The following IQCK variants were observed in gnomAD, a reference collection of about 807,000 sequenced individuals.
IQCK encodes IQ domain-containing protein K.
Under a neutral mutation model 28.1 loss-of-function variants are expected in IQCK, and 29 were observed. That is an observed-to-expected ratio of 1.03 (90% CI 0.77 to 1.41). The LOEUF (loss-of-function observed/expected upper bound fraction) is 1.41. Ranked by LOEUF, IQCK falls within the 40% of genes most tolerant of loss-of-function variation. The probability of loss-of-function intolerance (pLI) is 0.00; values close to 1 mark genes in which losing one functional copy is unlikely to be tolerated. For synonymous variants in IQCK, 113 were observed against 115.1 expected (o/e 0.98, Z 0.12); for missense variants, 359 against 314.7 (o/e 1.14, Z -1.07).
intron 6 of IQCK, among the ~76,000 whole-genome samples, chr16:19,782,667 T>A (rs370868901): frequency 6.6e-6 from 1 of 152,086 alleles, no homozygotes; most frequent in South Asian, 2.1e-4. Context: ...GTGGATAGAA[T>A]TTTGATTCCA....
intron 1 of IQCK, among the ~76,000 whole-genome samples, chr16:19,724,454 C>T (rs111685251): frequency 3.3e-5 from 5 of 152,282 alleles, no homozygotes; most frequent in African/African-American, 1.2e-4. Context: ...GATTCACTCC[C>T]AGCGTCATCT....
chr16:19,759,334 G>C (rs1030051081), intron 4 of IQCK, among the ~76,000 whole-genome samples: 1 of 152,106 alleles, frequency 6.6e-6, no homozygotes, highest in Non-Finnish European at 1.5e-5. Flanking sequence ...TCAGCTTCCT[G>C]AGTAGCTGGG....
intron 4 of IQCK, among the ~76,000 whole-genome samples, chr16:19,748,389 C>T (rs1009811917): frequency 6.6e-6 from 1 of 152,076 alleles, no homozygotes; most frequent in Non-Finnish European, 1.5e-5. Context: ...TCTTATCCTT[C>T]CATTTACTAG....
chr16:19,811,211 C>T (rs2055901540), intron 7 of IQCK, among the ~76,000 whole-genome samples: 1 of 151,150 alleles, frequency 6.6e-6, no homozygotes, highest in Non-Finnish European at 1.5e-5. Context: ...GTTGAAGCCG[C>T]AGTGAGCCCA....
chr16:19,805,227 C>A lies in IQCK; in HGVS notation c.690+16305C>A, dbSNP rs116304432. On this transcript the variant is annotated intron_variant, in intron 7 of 7. Transcript: ENST00000564186. ...ATATGGCCCAGGTGAAGAGAGATGG[C>A]ATCTGGCACAGAGAATGGCCAGCAG... 5.1e-3 allele frequency among the ~76,000 whole-genome samples: 641 copies of A among 126,172 alleles called. 5 individuals are homozygous for A. Among genetic ancestry groups the A allele is most frequent in the African/African-American group, 0.031 (615 of 19,996 alleles). 82.8% of individuals were successfully genotyped at this position (126,172 alleles called of 152,430 possible).
chr16:19,743,213 G>A (rs143246514), intron 4 of IQCK, among the ~76,000 whole-genome samples: 1 of 152,276 alleles, frequency 6.6e-6, no homozygotes, highest in African/African-American at 2.4e-5. Context: ...CTACTTTTAA[G>A]ATCATAATTA....
chr16:19,750,608 T>C (rs1249817079), intron 4 of IQCK, among the ~76,000 whole-genome samples: 4 of 151,266 alleles, frequency 2.6e-5, no homozygotes, highest in Admixed American at 6.6e-5. Flanking sequence ...GCTATAGGTG[T>C]GTGCCACCAT....
exon 2 of IQCK, chr16:19,730,463 G>A (rs757508537): frequency 3.1e-6 from 5 of 1,608,914 alleles, no homozygotes; most frequent in Middle Eastern, 3.3e-4. Flanking sequence ...TTTCCAGAAG[G>A]ATATAAAGTC....
At chr16:19,733,940 G>T in intron 3 of IQCK, 113 bp downstream of exon 3, 3 of 948,364 alleles carry the variant, frequency 3.2e-6, no homozygotes, top group South Asian at 3.8e-5. Flanking sequence ...ACATAAGAAA[G>T]AATGTGTTCT....
chr16:19,778,060 A>G (rs1247533627), intron 6 of IQCK, among the ~76,000 whole-genome samples: 1 of 152,090 alleles, frequency 6.6e-6, no homozygotes, highest in Non-Finnish European at 1.5e-5. Context: ...CTCAAAAAAA[A>G]AGAGAACCAG....
intron 9 of IQCK, among the ~76,000 whole-genome samples, chr16:19,835,587 C>CTTTTTTTT (rs372317479): frequency 7.2e-6 from 1 of 138,940 alleles, no homozygotes; most frequent in African/African-American, 2.7e-5. Context: ...CTTTTCTTTT[C>CTTTTTTTT]TTTTTTTTTT....
chr16:19,826,666 C>T (rs997152192), intron 7 of IQCK, among the ~76,000 whole-genome samples: 4 of 152,230 alleles, frequency 2.6e-5, no homozygotes, highest in Non-Finnish European at 5.9e-5. Context: ...GCGTAAGCCA[C>T]CGTGCCTGGC....
At chr16:19,720,575 T>C (rs1004605183) in intron 1 of IQCK, among the ~76,000 whole-genome samples, 1 of 152,248 alleles carries the variant, frequency 6.6e-6, no homozygotes, top group Admixed American at 6.5e-5. Flanking sequence ...TAAATGTTCA[T>C]TATTGTTGAC....
At chr16:19,822,354 C>T (rs1237884778) in intron 7 of IQCK, among the ~76,000 whole-genome samples, 5 of 144,558 alleles carry the variant, frequency 3.5e-5, no homozygotes, top group Non-Finnish European at 6.0e-5. Context: ...CCACTGCCTT[C>T]CAGCCTGGGT....
chr16:19,739,138 C>A (rs1189939877), intron 4 of IQCK, among the ~76,000 whole-genome samples: 1 of 152,200 alleles, frequency 6.6e-6, no homozygotes, highest in African/African-American at 2.4e-5. Flanking sequence ...TCATGTAGCC[C>A]TTGCAGGTGG....
rs80164015 is a variant in IQCK at position 19,750,867 on chromosome 16, G to C, written c.475-12981G>C. On this transcript the variant is annotated intron_variant, in intron 4 of 7. Transcript: ENST00000564186. ...CAACAAAATTAAATTGGAAAAAGTG[G>C]AAGTCTGAAAATGAGGACAGTCTGC... Among the ~76,000 whole-genome samples the C allele has an allele frequency of 3.9e-3, 597 of 152,300 alleles. 1 individual carries two copies. Among genetic ancestry groups the C allele is most frequent in the Middle Eastern group, 0.017 (5 of 294 alleles).
intron 1 of IQCK, among the ~76,000 whole-genome samples, chr16:19,727,781 TAAAC>T (rs1977707265): frequency 6.6e-6 from 1 of 151,940 alleles, no homozygotes; most frequent in Non-Finnish European, 1.5e-5. Flanking sequence ...TAAACCCAAA[TAAAC>T]AATTCCACAC....
chr16:19,758,327 C>T (rs960348449), intron 4 of IQCK, among the ~76,000 whole-genome samples: 3 of 152,208 alleles, frequency 2.0e-5, no homozygotes, highest in Non-Finnish European at 4.4e-5. Flanking sequence ...ACAGCACGTC[C>T]ACGCTTGCCC....
intron 9 of IQCK, among the ~76,000 whole-genome samples, chr16:19,842,157 T>C (rs2056369338): frequency 6.6e-6 from 1 of 152,190 alleles, no homozygotes; most frequent in African/African-American, 2.4e-5. Context: ...CATATCATTT[T>C]TGAATCATTT....
Sources: allele counts gnomAD v4.1 joint callset (sites outside exome capture counted in the v4.1 genomes callset), GRCh38; gene constraint gnomAD v4.1.1; transcripts MANE v1.5; gene names NCBI Gene and HGNC (gene_info 2026-07-23, HGNC 2026-07-21).